The following CAST variants were observed in gnomAD, a reference collection of about 807,000 sequenced individuals.
CAST encodes MIR583 host.
Under a neutral mutation model 119.6 loss-of-function variants are expected in CAST, and 76 were observed. The ratio of observed to expected loss-of-function variants is 0.64; its 90% CI spans 0.53 to 0.77. The LOEUF (loss-of-function observed/expected upper bound fraction) is 0.77. Ranked by LOEUF, CAST falls within the 30% of genes least tolerant of loss-of-function variation. CAST has a pLI of 0.00. For synonymous variants in CAST, 319 were observed against 331.6 expected (o/e 0.96, Z 0.41); for missense variants, 953 against 946.5 (o/e 1.01, Z -0.09).
chr5:95,969,240 C>T, the CAST span, among the ~76,000 whole-genome samples: 2 of 152,038 alleles, frequency 1.3e-5, no homozygotes, highest in Admixed American at 6.5e-5. Flanking sequence ...ATATGGACTT[C>T]GATCTGTGAG....
chr5:96,248,138 T>C, the CAST span: 10 of 152,386 alleles, frequency 6.6e-5, no homozygotes, highest in African/African-American at 2.2e-4. Context: ...CACCAAGCAT[T>C]CTTGGCCTCC....
At chr5:96,336,566 A>C in the CAST span, among the ~76,000 whole-genome samples, 2 of 152,190 alleles carry the variant, frequency 1.3e-5, no homozygotes, top group African/African-American at 4.8e-5. Flanking sequence ...GTCTGTTATG[A>C]AGAGTGGACT....
At chr5:96,696,147 A>G (rs2150305691) in intron 3 of CAST, 1 of 252,664 alleles carries the variant, frequency 4.0e-6, no homozygotes, top group Non-Finnish European at 7.7e-6. Context: ...TTAAATAAAT[A>G]TTAATTATTA....
chr5:96,762,798 C>T (rs1162603635), intron 25 of CAST: 1 of 249,584 alleles, frequency 4.0e-6, no homozygotes, highest in African/African-American at 2.2e-5. Context: ...CATGTTTGAG[C>T]TTTTACAAAC....
intron 1 of CAST, among the ~76,000 whole-genome samples, chr5:96,619,569 C>G (rs1244392773): frequency 6.6e-6 from 1 of 152,212 alleles, no homozygotes; most frequent in African/African-American, 2.4e-5. Context: ...TGCAATAAAT[C>G]TTGCTGTTCC....
At chr5:96,706,646 A>T (rs150330696) in intron 3 of CAST, among the ~76,000 whole-genome samples, 3 of 152,206 alleles carry the variant, frequency 2.0e-5, no homozygotes, top group Non-Finnish European at 4.4e-5. Context: ...AGGACTGCTT[A>T]TAAGTGTGAA....
intron 10 of CAST, 134 bp from the exon 11 acceptor site, chr5:96,737,715 C>G (rs1761945470): frequency 1.8e-6 from 1 of 546,450 alleles, no homozygotes; most frequent in Non-Finnish European, 3.3e-6. Flanking sequence ...CAGATTTTAA[C>G]TATTTTGGGG....
At chr5:96,337,614 G>C in the CAST span, among the ~76,000 whole-genome samples, 1 of 152,208 alleles carries the variant, frequency 6.6e-6, no homozygotes, top group African/African-American at 2.4e-5. Flanking sequence ...TGGATCTTCT[G>C]TAATGCAGGT....
chr5:96,639,997 C>T (rs1224487822), intron 1 of CAST, among the ~76,000 whole-genome samples: 1 of 152,048 alleles, frequency 6.6e-6, no homozygotes, highest in Non-Finnish European at 1.5e-5. Flanking sequence ...ATGATGTTTT[C>T]CTGAGTAAAC....
At chr5:96,351,683 G>A in the CAST span, among the ~76,000 whole-genome samples, 1 of 152,094 alleles carries the variant, frequency 6.6e-6, no homozygotes, top group African/African-American at 2.4e-5. Flanking sequence ...GGGAAAGGTA[G>A]TGTGGGTGTA....
the CAST span, among the ~76,000 whole-genome samples, chr5:96,454,205 A>G: frequency 6.6e-6 from 1 of 152,184 alleles, no homozygotes; most frequent in Non-Finnish European, 1.5e-5. Context: ...TAGCCGTACA[A>G]TCTATGTTAC....
the CAST span, among the ~76,000 whole-genome samples, chr5:96,220,379 T>C: frequency 6.6e-6 from 1 of 152,166 alleles, no homozygotes; most frequent in African/African-American, 2.4e-5. Flanking sequence ...TATAATTAAT[T>C]GAGCTATTCA....
chr5:96,739,237 C>A (rs1050588180), intron 11 of CAST, among the ~76,000 whole-genome samples: 1 of 152,154 alleles, frequency 6.6e-6, no homozygotes, highest in East Asian at 1.9e-4. Context: ...ATGAACATTC[C>A]CTTCAACCAG....
chr5:96,667,828 G>C (rs2150229355), intron 1 of CAST, among the ~76,000 whole-genome samples: 1 of 152,178 alleles, frequency 6.6e-6, no homozygotes, highest in South Asian at 2.1e-4. Flanking sequence ...GCCTGGCCAA[G>C]ATGGTGAAAC....
At chr5:96,225,139 C>T in the CAST span, among the ~76,000 whole-genome samples, 1 of 152,200 alleles carries the variant, frequency 6.6e-6, no homozygotes, top group African/African-American at 2.4e-5. Context: ...TAAAATAACA[C>T]CAATGTAGAG....
the CAST span, among the ~76,000 whole-genome samples, chr5:96,354,118 C>T: frequency 1.3e-5 from 2 of 152,030 alleles, no homozygotes; most frequent in African/African-American, 2.4e-5. Flanking sequence ...ATCAAGAATC[C>T]GACCAATTAC....
upstream of CAST, among the ~76,000 whole-genome samples, chr5:96,527,343 A>C (rs1745611743): frequency 6.6e-6 from 1 of 152,178 alleles, no homozygotes; most frequent in Non-Finnish European, 1.5e-5. Flanking sequence ...TTAGGAACAA[A>C]AAGAAGGCAG....
intron 1 of CAST, among the ~76,000 whole-genome samples, chr5:96,642,090 T>C (rs142588508): frequency 6.6e-5 from 10 of 152,348 alleles, no homozygotes; most frequent in East Asian, 3.9e-4. Flanking sequence ...TATCTCCCCA[T>C]GCACTGAAAC....
the CAST span, among the ~76,000 whole-genome samples, chr5:96,038,677 C>T: frequency 6.6e-6 from 1 of 152,068 alleles, no homozygotes. Flanking sequence ...CAGCTTCATC[C>T]ATGTCCCTGC....
Sources: allele counts gnomAD v4.1 joint callset (sites outside exome capture counted in the v4.1 genomes callset), GRCh38; gene constraint gnomAD v4.1.1; transcripts MANE v1.5; gene names NCBI Gene and HGNC (gene_info 2026-07-23, HGNC 2026-07-21).